Variants in MAPRE2 observed in about 807,000 individuals in gnomAD.
The protein encoded by MAPRE2 is microtubule associated protein RP/EB family member 2, also known as microtubule-associated protein RP/EB family member 2.
MAPRE2 carries 13 observed loss-of-function variants against 43.2 expected under a neutral mutation model. The observed-to-expected ratio is 0.30, with a 90% CI of 0.20 to 0.48. The LOEUF (loss-of-function observed/expected upper bound fraction) is 0.48. Ranked by LOEUF, MAPRE2 falls within the 20% of genes least tolerant of loss-of-function variation. MAPRE2 has a pLI of 0.99. For synonymous variants in MAPRE2, 135 were observed against 148.8 expected (o/e 0.91, Z 0.68); for missense variants, 161 against 400.2 (o/e 0.40, Z 5.10).
chr18:35,057,795 A>C (rs1906316008), intron 1 of MAPRE2, among the ~76,000 whole-genome samples: 1 of 152,182 alleles, frequency 6.6e-6, no homozygotes. Flanking sequence ...AAATGAGAGA[A>C]TCATTTCACA....
Position 35,142,523 on chromosome 18 carries a change from C to T in MAPRE2, c.*2154C>T, listed in dbSNP as rs1910701632. 1 of 152,326 alleles carries T rather than the reference C, an allele frequency of 6.6e-6. No homozygotes were observed. The highest frequency in any genetic ancestry group is 2.4e-5 in the African/African-American group (1 of 41,444). 9.4% of individuals were successfully genotyped at this position (152,326 alleles called of 1,614,324 possible). ...ACTCCATTGCCCTCCAGCTCCCCAG[C>T]CTTCTCAGTTATAAACATGCTGGCC... is the stretch of plus-strand genomic sequence containing the variant. On this transcript the variant is annotated 3_prime_UTR_variant, in exon 7 of 7. Coordinates refer to ENST00000300249, the MANE Select transcript of MAPRE2 (RefSeq NM_014268.4).
chr18:34,989,245 TC>T (rs1417324565), intron 1 of MAPRE2, among the ~76,000 whole-genome samples: 2 of 152,242 alleles, frequency 1.3e-5, no homozygotes, highest in African/African-American at 4.8e-5. Flanking sequence ...GTATTTACAT[TC>T]AACAATGTCT....
At chr18:35,123,801 A>G (rs778785611) in intron 4 of MAPRE2, among the ~76,000 whole-genome samples, 21 of 152,210 alleles carry the variant, frequency 1.4e-4, no homozygotes, top group Non-Finnish European at 2.4e-4. Context: ...TATAAAAACT[A>G]TTATTGAATT....
intron 4 of MAPRE2, among the ~76,000 whole-genome samples, chr18:35,116,115 A>G (rs1039396723): frequency 6.6e-6 from 1 of 152,220 alleles, no homozygotes; most frequent in Non-Finnish European, 1.5e-5. Context: ...CCTTCAGCAT[A>G]TATAGGAAGA....
intron 6 of MAPRE2, among the ~76,000 whole-genome samples, chr18:35,133,380 G>A: frequency 6.6e-6 from 1 of 152,002 alleles, no homozygotes; most frequent in East Asian, 1.9e-4. Flanking sequence ...ACGGTTCTCA[G>A]TATTTTCAGA....
At chr18:34,992,535 C>G (rs1568964654) in intron 1 of MAPRE2, among the ~76,000 whole-genome samples, 2 of 152,158 alleles carry the variant, frequency 1.3e-5, no homozygotes. Context: ...ATAACTTTAC[C>G]CATCCACTCT....
At position 35,140,404 on chromosome 18, in the gene MAPRE2, G is replaced by T. The variant is rs562466092; in HGVS notation, c.*35G>T. 6 of 1,568,828 alleles carry T rather than the reference G, an allele frequency of 3.8e-6. No homozygotes were observed. In the South Asian group the frequency reaches 5.8e-5, roughly 15 times the overall value. On this transcript the variant is annotated 3_prime_UTR_variant, in exon 7 of 7. Transcript: ENST00000300249. ...GCTGCTCTTGACACTTCCATTGTGT[G>T]TGGGAACGTTTCTTCTGGAGAATTG...
intron 1 of MAPRE2, 54 bp from the exon 2 acceptor site, chr18:35,070,141 T>G: frequency 6.6e-7 from 1 of 1,521,724 alleles, no homozygotes; most frequent in Non-Finnish European, 8.9e-7. Flanking sequence ...TAGGTATCTT[T>G]TGTGTTTCTG....
intron 1 of MAPRE2, among the ~76,000 whole-genome samples, chr18:34,983,940 A>G (rs2097017687): frequency 6.6e-6 from 1 of 152,124 alleles, no homozygotes; most frequent in South Asian, 2.1e-4. Flanking sequence ...TGGAAATAGC[A>G]CTCCTTTTCT....
chr18:35,118,592 A>ACCTAGCTGGCCTTTCTGCAGCTCCCC, intron 4 of MAPRE2, among the ~76,000 whole-genome samples: 1 of 152,172 alleles, frequency 6.6e-6, no homozygotes, highest in Non-Finnish European at 1.5e-5. Flanking sequence ...TGCAGTAGCC[A>ACCTAGCTGGCCTTTCTGCAGCTCCCC]CCTAGCTGGC....
At chr18:35,057,226 G>T (rs954689188) in intron 1 of MAPRE2, among the ~76,000 whole-genome samples, 2 of 152,060 alleles carry the variant, frequency 1.3e-5, no homozygotes, top group Non-Finnish European at 2.9e-5. Context: ...CGTTGGCCAG[G>T]CTGGTCTCGA....
At chr18:35,132,316 C>T in intron 6 of MAPRE2, 126 bp downstream of exon 6, 1 of 762,176 alleles carries the variant, frequency 1.3e-6, no homozygotes, top group Non-Finnish European at 2.1e-6. Flanking sequence ...GCCAAGTGCA[C>T]CTGATAGTCC....
intron 2 of MAPRE2, among the ~76,000 whole-genome samples, chr18:35,021,246 G>A (rs1437505333): frequency 2.6e-5 from 4 of 152,134 alleles, no homozygotes; most frequent in Non-Finnish European, 4.4e-5. Flanking sequence ...CATGATGCAA[G>A]TATATTCTAG....
intron 2 of MAPRE2, among the ~76,000 whole-genome samples, chr18:35,015,530 G>A (rs1433446353): frequency 1.3e-5 from 2 of 152,026 alleles, no homozygotes; most frequent in Admixed American, 6.6e-5. Flanking sequence ...CCAAGCGGGT[G>A]TGAATGCAAA....
chr18:35,026,703 G>A (rs182328335), intron 2 of MAPRE2, among the ~76,000 whole-genome samples: 204 of 152,244 alleles, frequency 1.3e-3, no homozygotes, highest in Admixed American at 4.3e-3. Flanking sequence ...TCTGTACCCC[G>A]CTGTTCCTGT....
chr18:35,078,769 C>T (rs1425957506), intron 2 of MAPRE2, among the ~76,000 whole-genome samples: 1 of 152,176 alleles, frequency 6.6e-6, no homozygotes, highest in Non-Finnish European at 1.5e-5. Context: ...CCATCCTTTA[C>T]ATTCTACTTG....
intron 2 of MAPRE2, among the ~76,000 whole-genome samples, chr18:35,031,625 G>C (rs1431924126): frequency 6.6e-6 from 1 of 152,148 alleles, no homozygotes; most frequent in East Asian, 1.9e-4. Flanking sequence ...GAAAATCTAA[G>C]AAAAAGCAGA....
chr18:35,085,317 C>T (rs1432822763), intron 2 of MAPRE2, among the ~76,000 whole-genome samples: 1 of 152,202 alleles, frequency 6.6e-6, no homozygotes, highest in Non-Finnish European at 1.5e-5. Context: ...TGCAGTTCTG[C>T]AGGAACATCA....
intron 1 of MAPRE2, among the ~76,000 whole-genome samples, chr18:35,046,856 C>G (rs1331051772): frequency 6.6e-6 from 1 of 152,168 alleles, no homozygotes; most frequent in African/African-American, 2.4e-5. Context: ...GTACTTAGCC[C>G]AGACAGTGGC....
Sources: gnomAD v4.1 joint callset for allele counts (sites outside exome capture counted in the v4.1 genomes callset) on GRCh38, gnomAD v4.1.1 for gene constraint, MANE v1.5 for transcripts, NCBI Gene and HGNC (gene_info 2026-07-23, HGNC 2026-07-21) for gene names.